Variants in FARSA observed in about 807,000 individuals in gnomAD.
The protein encoded by FARSA is phenylalanyl-tRNA synthetase subunit alpha, also known as phenylalanine--tRNA ligase alpha subunit.
A neutral mutation model predicts 63.2 loss-of-function variants in FARSA; 37 were observed. The observed-to-expected ratio is 0.59, with a 90% CI of 0.45 to 0.77. The LOEUF (loss-of-function observed/expected upper bound fraction) is 0.77. Among genes scored for constraint, FARSA ranks in the 30% least tolerant of loss-of-function variants. The pLI is 0.00. For missense variants in FARSA, 618 were observed against 696.6 expected (o/e 0.89, Z 1.27); for synonymous variants, 312 against 285.1 (o/e 1.09, Z -0.95).
Position 12,928,324 on chromosome 19 carries a change from C to T in FARSA, c.841+18G>A. The T allele has an allele frequency of 6.2e-7, 1 of 1,605,104 alleles. No individual in the cohort carries two copies. Among genetic ancestry groups the T allele is most frequent in the Non-Finnish European group, 8.5e-7 (1 of 1,172,776 alleles). The stretch of plus-strand genomic sequence containing the variant: ...TGGTGTCTCTCATGTCTCAGGGAGG[C>T]CCTAGGGGCTGACCCACCTCGAAGG... On this transcript the variant is annotated intron_variant, in intron 7 of 12. Transcript: ENST00000314606.
In FARSA at chr19:12,924,111, G is replaced by C. The variant is rs764205448; in HGVS notation, c.1388+40C>G. ...GGCCCCTATACCTGGAGAGTTATTT[G>C]AGGCAGCTGGACACCCCGAGTTTCC... is the stretch of plus-strand genomic sequence containing the variant. On this transcript the variant is annotated intron_variant, in intron 12 of 12. Coordinates refer to ENST00000314606, the MANE Select transcript of FARSA (RefSeq NM_004461.3). The surrounding 1 kb of genome is among the most constrained non-coding windows in gnomAD (Gnocchi z 6.4). 4.6e-6 allele frequency: 7 copies of C among 1,512,124 alleles called. No individual in the cohort carries two copies. In the South Asian group the frequency reaches 5.6e-5, roughly 12 times the overall value. The allele number at this position is 1,512,124 out of a possible 1,614,324, so 93.7% of individuals were successfully genotyped here.
rs868440760 is a variant in FARSA at position 12,933,677 on chromosome 19, G to A, written c.20C>T (p.Ala7Val). 3.1e-5 allele frequency: 49 copies of A among 1,570,204 alleles called. No individual in the cohort carries two copies. The highest frequency in any genetic ancestry group is 4.5e-4 in the Middle Eastern group (2 of 4,452). Residue 7 changes from alanine (A) to valine (V), a missense_variant, in exon 1 of 13, where the codon GCG becomes GTG. Physicochemically the swap from Ala to Val is moderately conservative, Grantham distance 64 (BLOSUM62 0). Transcript: ENST00000314606. ...CTCCAGCCGCCGGAGCAGCAGTTCC[G>A]CCACCTGACCATCCGCCATGACTCC... Reference protein sequence around the residue: MADGQVAELLLRRLEAS... With the variant: MADGQVVELLLRRLEAS...
rs573973893 is a variant in FARSA at position 12,933,136 on chromosome 19, C to T, written c.147+414G>A. The T allele has an allele frequency of 7.1e-5, 14 of 197,144 alleles. No individual in the cohort carries two copies. In the South Asian group the frequency reaches 9.6e-4, roughly 13 times the overall value. 12.2% of individuals were successfully genotyped at this position (197,144 alleles called of 1,614,324 possible). A position where few individuals can be genotyped will look rare whatever the true frequency, so the allele number is the denominator to read the frequency against. ...GCCACTGATCTCTAAAGTGCTATCA[C>T]TTTCCTCAACAGAGAACAGACTCAG... On this transcript the variant is annotated intron_variant, in intron 1 of 12. Coordinates refer to ENST00000314606, the MANE Select transcript of FARSA (RefSeq NM_004461.3).
chr19:12,923,464 G>A (rs1273092115), intron 12 of FARSA, among the ~76,000 whole-genome samples: 1 of 151,984 alleles, frequency 6.6e-6, no homozygotes, highest in Admixed American at 6.6e-5. Context: ...ACAGTGCCTG[G>A]CTAATTTTTG....
chr19:12,929,419 C>G (rs1345963513), intron 4 of FARSA, among the ~76,000 whole-genome samples: 5 of 152,198 alleles, frequency 3.3e-5, no homozygotes. Flanking sequence ...GTTGGCCAGG[C>G]TGGTCTCGAA....
In FARSA at chr19:12,924,631, C is replaced by A. The variant is rs1437634969; in HGVS notation, c.1195+8G>T. 1.9e-6 allele frequency: 3 copies of A among 1,607,346 alleles called. No individual in the cohort carries two copies. Among genetic ancestry groups the A allele is most frequent in the Non-Finnish European group, 2.6e-6 (3 of 1,176,160 alleles). ...ACCACCATGGCCCACCCCTGCCCCC[C>A]TGCTCACCCAGCTTGGTGAAGAACT... On this transcript the variant is annotated splice_region_variant and intron_variant, in intron 10 of 12. Transcript: ENST00000314606. This position sits in a 1 kb window ranked among gnomAD's most constrained non-coding sequence, Gnocchi z 6.4.
intron 7 of FARSA, among the ~76,000 whole-genome samples, chr19:12,925,753 A>C (rs2145995305): frequency 6.7e-6 from 1 of 150,348 alleles, no homozygotes; most frequent in East Asian, 2.0e-4. Flanking sequence ...GGCTCACTGC[A>C]ACCTCCTCCT....
Position 12,924,429 on chromosome 19 carries a change from G to C in FARSA, c.1273+20C>G. The C allele has an allele frequency of 6.2e-7, 1 of 1,611,364 alleles. No homozygotes were observed. The highest frequency in any genetic ancestry group is 1.7e-5 in the Admixed American group (1 of 60,004). Reference sequence around the variant, plus strand: ...AGCCTGAGACCTCCCTCCCACCCCAGTACCAGGGCCTACCCTGACCTTGGT... The same window carrying C: ...AGCCTGAGACCTCCCTCCCACCCCACTACCAGGGCCTACCCTGACCTTGGT... On this transcript the variant is annotated intron_variant, in intron 11 of 12. Transcript: ENST00000314606. The surrounding 1 kb of genome is among the most constrained non-coding windows in gnomAD (Gnocchi z 6.4).
intron 4 of FARSA, 56 bp downstream of exon 4, chr19:12,930,167 C>T (rs1971373998): frequency 5.7e-6 from 8 of 1,402,488 alleles, no homozygotes; most frequent in South Asian, 3.5e-5. Flanking sequence ...CCCACCATGC[C>T]TCCACCATGC....
chr19:12,930,369 T>C, intron 3 of FARSA, 28 bp from the exon 4 acceptor site: 1 of 1,613,470 alleles, frequency 6.2e-7, no homozygotes, highest in Non-Finnish European at 8.5e-7. Context: ...GTGAGGGGTA[T>C]GAGGGCCAGG....
At chr19:12,933,364 G>GC in intron 1 of FARSA, 186 bp downstream of exon 1, 2 of 647,008 alleles carry the variant, frequency 3.1e-6, no homozygotes, top group Non-Finnish European at 5.1e-6. Context: ...AACGTTTATT[G>GC]CATGAGGAAC....
chr19:12,922,540 C>G lies in FARSA; in HGVS notation c.*208G>C. ...CCCACAGGTCTCCTCAGGGCCCACC[C>G]TCACAGTAGACACACCACACAGGAC... is the stretch of plus-strand genomic sequence containing the variant. On this transcript the variant is annotated 3_prime_UTR_variant, in exon 13 of 13. Transcript: ENST00000314606. 6 of 625,918 alleles carry G rather than the reference C, an allele frequency of 9.6e-6. No individual in the cohort carries two copies. The highest frequency in any genetic ancestry group is 1.6e-5 in the Non-Finnish European group (6 of 365,726). The allele number at this position is 625,918 out of a possible 1,614,324, so 38.8% of individuals were successfully genotyped here. A position where few individuals can be genotyped will look rare whatever the true frequency, so the allele number is the denominator to read the frequency against.
In FARSA at chr19:12,933,680, A is replaced by C; in HGVS notation, c.17T>G (p.Val6Gly). Residue 6 changes from valine to glycine, a missense_variant, in exon 1 of 13, where the codon GTG becomes GGG. Transcript: ENST00000314606. MADGQ[V>G]AELLLRRLEA... ...CAGCCGCCGGAGCAGCAGTTCCGCC[A>C]CCTGACCATCCGCCATGACTCCTTC... The C allele has an allele frequency of 1.3e-6, 2 of 1,568,714 alleles. No homozygotes were observed. The highest frequency in any genetic ancestry group is 1.7e-6 in the Non-Finnish European group (2 of 1,161,506).
At chr19:12,928,495 C>T (rs767304776) in intron 6 of FARSA, 38 bp from the exon 7 acceptor site, 2 of 1,613,816 alleles carry the variant, frequency 1.2e-6, no homozygotes, top group Admixed American at 1.7e-5. Flanking sequence ...TGCCTGTACC[C>T]AGCAGAAGCA....
chr19:12,932,470 G>A lies in FARSA; in HGVS notation c.147+1080C>T, dbSNP rs145657405. Among the ~76,000 whole-genome samples the A allele has an allele frequency of 3.5e-3, 535 of 152,224 alleles. 1 individual carries two copies. Among genetic ancestry groups the A allele is most frequent in the African/African-American group, 0.012 (495 of 41,522 alleles). On this transcript the variant is annotated intron_variant, in intron 1 of 12. Transcript: ENST00000314606. ...AGGCACTGTCACCCCACACAACACA[G>A]CTGCCATCTCTCCTCTGCATTGAGG...
chr19:12,928,633 G>A lies in FARSA; in HGVS notation c.627C>T (p.Pro209=), dbSNP rs1305672444. The part of the protein sequence containing the change: ...SGSWRDRPFK[P]YNFLAHGVLP... The stretch of plus-strand genomic sequence containing the variant: ...GGACACCGTGGGCCAAGAAGTTGTA[G>A]GGCTTGAAGGGCCGGTCCCGCCAAG... The change falls in exon 6 of 13, where the codon CCC becomes CCT. Residue 209 remains proline (P), a synonymous_variant. Coordinates refer to ENST00000314606, the MANE Select transcript of FARSA (RefSeq NM_004461.3). 6.2e-7 allele frequency: 1 copy of A among 1,610,776 alleles called. No individual in the cohort carries two copies. Among genetic ancestry groups the A allele is most frequent in the South Asian group, 1.1e-5 (1 of 90,814 alleles).
In FARSA at chr19:12,928,680, G is replaced by A. The variant is rs1971355691; in HGVS notation, c.597-17C>T. 1.2e-6 allele frequency: 2 copies of A among 1,613,298 alleles called. No individual in the cohort carries two copies. Among genetic ancestry groups the A allele is most frequent in the African/African-American group, 2.7e-5 (2 of 74,922 alleles). ...CAAGAGCCACTGGGGGAGGATGCAA[G>A]GGCCTGGTAAGGGCTGCCCGCCCCT... On this transcript the variant is annotated splice_polypyrimidine_tract_variant and intron_variant, in intron 5 of 12. Transcript: ENST00000314606.
chr19:12,927,794 T>A (rs1161886186), intron 7 of FARSA, among the ~76,000 whole-genome samples: 1 of 142,226 alleles, frequency 7.0e-6, no homozygotes, highest in Non-Finnish European at 1.5e-5. Context: ...CCCAGCACTT[T>A]GGGAGGCCGA....
At chr19:12,933,509 G>C (rs767663507) in intron 1 of FARSA, 41 bp downstream of exon 1, 2 of 1,533,400 alleles carry the variant, frequency 1.3e-6, no homozygotes, top group Non-Finnish European at 1.7e-6. Context: ...GGGACTGTAG[G>C]TGCAAGGGCA....
Sources: gnomAD v4.1 joint callset for allele counts (sites outside exome capture counted in the v4.1 genomes callset) on GRCh38, gnomAD v4.1.1 for gene constraint, Gnocchi (gnomAD v3.1) non-coding constraint, MANE v1.5 for transcripts, NCBI Gene and HGNC (gene_info 2026-07-23, HGNC 2026-07-21) for gene names.